CACYBP: variants seen among roughly 807,000 people sequenced by gnomAD.
CACYBP encodes calcyclin-binding protein.
Under a neutral mutation model 29.6 loss-of-function variants are expected in CACYBP, and 11 were observed. That is an observed-to-expected ratio of 0.37 (90% CI 0.23 to 0.61). The LOEUF (loss-of-function observed/expected upper bound fraction) is 0.61, where lower values mean the gene tolerates loss of function less well. Ranked by LOEUF, CACYBP falls within the 20% of genes least tolerant of loss-of-function variation. The pLI, the probability that CACYBP is intolerant of heterozygous loss-of-function variation, is 0.65. For missense variants in CACYBP, 163 were observed against 260.7 expected, an observed-to-expected ratio of 0.63 and a Z score of 2.58; for synonymous variants, 73 against 88.3, an observed-to-expected ratio of 0.83 and a Z score of 0.97.
chr1:175,004,921 A>C (rs753070524), intron 2 of CACYBP, 88 bp downstream of exon 2: 3 of 904,650 alleles, frequency 3.3e-6, no homozygotes, highest in Non-Finnish European at 5.6e-6. Flanking sequence ...ATGAGTTTTG[A>C]GTCTGTGTTT....
intron 1 of CACYBP, 30 bp from the exon 2 acceptor site, chr1:175,004,584 A>C (rs747358084): frequency 9.4e-6 from 13 of 1,379,432 alleles, no homozygotes; most frequent in Non-Finnish European, 1.2e-5. Context: ...CTTATTTATC[A>C]TAGCTAACTT....
upstream of CACYBP, chr1:174,999,568 T>C (rs1367809728): frequency 1.3e-5 from 2 of 159,588 alleles, no homozygotes; most frequent in Non-Finnish European, 2.8e-5. Context: ...TTTTTCGCCT[T>C]CTTCTCGCGG....
intron 1 of CACYBP, among the ~76,000 whole-genome samples, chr1:175,002,593 A>T (rs1417662578): frequency 6.6e-6 from 1 of 152,218 alleles, no homozygotes; most frequent in Non-Finnish European, 1.5e-5. Flanking sequence ...CCAAGAAGGC[A>T]AGGAAAATTA....
intron 1 of CACYBP, among the ~76,000 whole-genome samples, chr1:175,002,164 A>G (rs923418435): frequency 6.6e-6 from 1 of 152,174 alleles, no homozygotes; most frequent in African/African-American, 2.4e-5. Flanking sequence ...TTACTGGTTC[A>G]TATGGTAACT....
At chr1:175,009,894 C>G (rs1672707429) in intron 5 of CACYBP, 29 bp from the exon 6 acceptor site, 1 of 1,579,866 alleles carries the variant, frequency 6.3e-7, no homozygotes, top group African/African-American at 1.4e-5. Flanking sequence ...TTTCGTTTCC[C>G]CATTGTTGTA....
At chr1:175,000,337 A>C (rs1672439068) in intron 1 of CACYBP, 142 bp downstream of exon 1, 1 of 1,455,808 alleles carries the variant, frequency 6.9e-7, no homozygotes, top group Non-Finnish European at 9.1e-7. Context: ...TTCCCGGGGG[A>C]CACCTCACTC....
intron 1 of CACYBP, among the ~76,000 whole-genome samples, chr1:175,002,361 G>T (rs904976817): frequency 2.0e-5 from 3 of 152,032 alleles, no homozygotes; most frequent in African/African-American, 4.8e-5. Context: ...AATTTGATAT[G>T]CGTTTACCCA....
intron 2 of CACYBP, among the ~76,000 whole-genome samples, chr1:175,005,746 A>G (rs74631735): frequency 0.02 from 3,029 of 152,276 alleles, 106 homozygotes; most frequent in African/African-American, 0.07. Flanking sequence ...GGTGTTGAGG[A>G]TTATGGTATT....
upstream of CACYBP, chr1:174,999,698 T>C: frequency 4.1e-6 from 1 of 245,100 alleles, no homozygotes; most frequent in Non-Finnish European, 8.0e-6. Context: ...CGGTACGTTA[T>C]TTCCGGGGCT....
At chr1:174,999,639 A>G (rs578030329), upstream of CACYBP, 1 of 226,408 alleles carries the variant, frequency 4.4e-6, no homozygotes, top group African/African-American at 2.4e-5. Flanking sequence ...CCTAGAGCGG[A>G]CGAAAGCAGG....
In CACYBP at chr1:175,000,086, T is replaced by C. The variant is rs571380880; in HGVS notation, c.-95T>C. 2.7e-6 allele frequency: 4 copies of C among 1,500,640 alleles called. No individual in the cohort carries two copies. The South Asian group carries it at 4.8e-5, about 18-fold the overall frequency. The allele number at this position is 1,500,640 out of a possible 1,614,324, so 93.0% of individuals were successfully genotyped here. Reference sequence around the variant, plus strand: ...GCTGCAGCGCCGCGACTCGTGCGGGTAGGCGTCTGCGCTCGGTTTGAGGGC... The same window carrying C: ...GCTGCAGCGCCGCGACTCGTGCGGGCAGGCGTCTGCGCTCGGTTTGAGGGC... On this transcript the variant is annotated 5_prime_UTR_variant, in exon 1 of 6. Coordinates refer to ENST00000367679, the MANE Select transcript of CACYBP (RefSeq NM_014412.3).
At chr1:175,000,285 C>A in intron 1 of CACYBP, 90 bp downstream of exon 1, 1 of 1,529,100 alleles carries the variant, frequency 6.5e-7, no homozygotes, top group Non-Finnish European at 8.8e-7. Context: ...TGGGCTGAGC[C>A]GCCCTGCGGC....
At chr1:175,008,507 C>T (rs1465121627) in intron 4 of CACYBP, 102 bp from the exon 5 acceptor site, 4 of 676,818 alleles carry the variant, frequency 5.9e-6, no homozygotes, top group African/African-American at 1.8e-5. Flanking sequence ...TAAGTCTATA[C>T]ATACTAGGGA....
intron 2 of CACYBP, among the ~76,000 whole-genome samples, chr1:175,005,817 CTGAA>C (rs1218697055): frequency 6.6e-6 from 1 of 152,106 alleles, no homozygotes; most frequent in African/African-American, 2.4e-5. Flanking sequence ...GATGGACTGA[CTGAA>C]TGGGAAGAAA....
intron 5 of CACYBP, among the ~76,000 whole-genome samples, chr1:175,009,064 A>T (rs1441542966): frequency 1.3e-5 from 2 of 152,200 alleles, no homozygotes; most frequent in South Asian, 4.1e-4. Flanking sequence ...AAATATTTTT[A>T]TCCTTCTTAA....
At position 175,010,781 on chromosome 1, in the gene CACYBP, A is replaced by AAGTT. The variant is rs1170134741; in HGVS notation, c.*704_*707dup. 1.3e-5 allele frequency: 2 copies of AAGTT among 152,178 alleles called. No individual in the cohort carries two copies. The highest frequency in any genetic ancestry group is 3.8e-4 in the East Asian group (2 of 5,198). The allele number at this position is 152,178 out of a possible 1,614,324, so 9.4% of individuals were successfully genotyped here. On this transcript the variant is annotated 3_prime_UTR_variant, in exon 6 of 6. Coordinates refer to ENST00000367679, the MANE Select transcript of CACYBP (RefSeq NM_014412.3). ...AGCCCGTCTATTCCTATGCTCAATA[A>AAGTT]AGTTAAGTTTTTCTTCATTAGAACA...
At chr1:175,009,034 G>T in intron 5 of CACYBP, 2 of 203,262 alleles carry the variant, frequency 9.8e-6, no homozygotes, top group African/African-American at 2.3e-5. Flanking sequence ...CATTGTCACT[G>T]GTTTATAGTG....
chr1:175,009,619 C>A (rs1242682687), intron 5 of CACYBP, among the ~76,000 whole-genome samples: 1 of 137,648 alleles, frequency 7.3e-6, no homozygotes, highest in Non-Finnish European at 1.5e-5. Flanking sequence ...GCACTCCAGC[C>A]TGGGCAACAG....
Position 175,008,715 on chromosome 1 carries a change from AC to A in CACYBP, c.530+10del, listed in dbSNP as rs749334544. 17 of 1,330,766 alleles carry A rather than the reference AC, an allele frequency of 1.3e-5. No homozygotes were observed. In the African/African-American group the frequency reaches 2.3e-4, roughly 18 times the overall value. The allele number at this position is 1,330,766 out of a possible 1,614,324, so 82.4% of individuals were successfully genotyped here. ...GAGTGCAAAGAAAAAGAGTGAGTCT[AC>A]TTCCATTTTTTTAAAGAATTTTAGT... On this transcript the variant is annotated intron_variant, in intron 5 of 5. Coordinates refer to ENST00000367679, the MANE Select transcript of CACYBP (RefSeq NM_014412.3).
Sources: allele counts gnomAD v4.1 joint callset (sites outside exome capture counted in the v4.1 genomes callset), GRCh38; gene constraint gnomAD v4.1.1; transcripts MANE v1.5; gene names NCBI Gene and HGNC (gene_info 2026-07-23, HGNC 2026-07-21).